Variants in SH3BP4 observed in about 807,000 individuals in gnomAD.
SH3BP4 encodes SH3 domain binding protein 4.
Under a neutral mutation model 65.5 loss-of-function variants are expected in SH3BP4, and 33 were observed. That is an observed-to-expected ratio of 0.50 (90% CI 0.38 to 0.67). The LOEUF (loss-of-function observed/expected upper bound fraction) is 0.67, where lower values mean the gene tolerates loss of function less well. Ranked by LOEUF, SH3BP4 falls within the 30% of genes least tolerant of loss-of-function variation. The probability of loss-of-function intolerance (pLI) is 0.00; values close to 1 mark genes in which losing one functional copy is unlikely to be tolerated. For synonymous variants in SH3BP4, 552 were observed against 545.5 expected (o/e 1.01, Z -0.17); for missense variants, 1,134 against 1,261.4 (o/e 0.90, Z 1.53).
At chr2:235,004,706 T>C (rs938740136) in intron 2 of SH3BP4, among the ~76,000 whole-genome samples, 1 of 152,240 alleles carries the variant, frequency 6.6e-6, no homozygotes, top group Non-Finnish European at 1.5e-5. Context: ...TGTGTCAAAA[T>C]CCCATTCCTT....
chr2:235,045,740 G>A lies in SH3BP4; in HGVS notation c.2478+2493G>A, dbSNP rs918789494. Among the ~76,000 whole-genome samples the A allele has an allele frequency of 2.0e-5, 3 of 152,066 alleles. No homozygotes were observed. Among genetic ancestry groups the A allele is most frequent in the East Asian group, 3.9e-4 (2 of 5,178 alleles). On this transcript the variant is annotated intron_variant, in intron 4 of 5. Coordinates refer to ENST00000392011, the MANE Select transcript of SH3BP4 (RefSeq NM_014521.3). This position sits in a 1 kb window ranked among gnomAD's most constrained non-coding sequence, Gnocchi z 4.3. The stretch of plus-strand genomic sequence containing the variant: ...TGTTCTATTCCGCTTGTCATCACAG[G>A]GCTGCCACGATTTCTGCGGCCTCTG...
chr2:234,957,115 G>A (rs545734430), intron 1 of SH3BP4, among the ~76,000 whole-genome samples: 28 of 152,192 alleles, frequency 1.8e-4, no homozygotes, highest in African/African-American at 6.7e-4. Flanking sequence ...CCACCTCCCA[G>A]ATTCAAGCTG....
intron 4 of SH3BP4, among the ~76,000 whole-genome samples, chr2:235,047,557 A>G (rs1044265109): frequency 1.3e-5 from 2 of 152,228 alleles, no homozygotes; most frequent in Non-Finnish European, 2.9e-5. Flanking sequence ...GCAAGAGACT[A>G]TTCCCAATTC....
intron 4 of SH3BP4, among the ~76,000 whole-genome samples, chr2:235,043,856 T>C (rs993495189): frequency 5.9e-5 from 9 of 152,288 alleles, no homozygotes; most frequent in African/African-American, 1.9e-4. Flanking sequence ...GAAGTGGAGA[T>C]GGGGTTTACG....
Position 235,052,197 on chromosome 2 carries a change from CCT to C in SH3BP4, c.2479-360_2479-359del, listed in dbSNP as rs56943936. ...TCTTCACACGGCCTTCTTCTCTCTGCCTCTCTGTCTGCTTTCTCTTCTTATGA... is the reference window on the plus strand; with the variant it reads ...TCTTCACACGGCCTTCTTCTCTCTGCCTCTGTCTGCTTTCTCTTCTTATGA... On this transcript the variant is annotated intron_variant, in intron 4 of 5. Transcript: ENST00000392011. The surrounding 1 kb of genome is among the most constrained non-coding windows in gnomAD (Gnocchi z 5.0). 0.49 allele frequency among the ~76,000 whole-genome samples: 73,652 copies of C among 151,760 alleles called. 18,175 individuals carry two copies. Among genetic ancestry groups the C allele is most frequent in the East Asian group, 0.64 (3,241 of 5,092 alleles).
At position 235,052,641 on chromosome 2, in the gene SH3BP4, T is replaced by A. The variant is rs1696095811; in HGVS notation, c.2558T>A (p.Val853Glu). The change falls in exon 5 of 6, where the codon GTG becomes GAG. Residue 853 changes from valine to glutamate, a missense_variant. By Grantham distance (121) the Val-to-Glu change is moderately radical (BLOSUM62 -2). Coordinates refer to ENST00000392011, the MANE Select transcript of SH3BP4 (RefSeq NM_014521.3). The surrounding 1 kb of genome is among the most constrained non-coding windows in gnomAD (Gnocchi z 5.0). Reference sequence around the variant, plus strand: ...GTGCTCCTGACCACGGCTGTAGAGGTGGCCCAGCGCTGGCGGGAGCTGGCT... The same window carrying A: ...GTGCTCCTGACCACGGCTGTAGAGGAGGCCCAGCGCTGGCGGGAGCTGGCT... ...DFVLLTTAVEVAQRWRELAEK... is the reference protein window; with the variant it reads ...DFVLLTTAVEEAQRWRELAEK... The A allele has an allele frequency of 6.3e-7, 1 of 1,580,068 alleles. No homozygotes were observed. Among genetic ancestry groups the A allele is most frequent in the Non-Finnish European group, 8.6e-7 (1 of 1,163,946 alleles).
chr2:235,032,030 G>A (rs904158380), intron 2 of SH3BP4, among the ~76,000 whole-genome samples: 3 of 152,238 alleles, frequency 2.0e-5, no homozygotes, highest in Non-Finnish European at 4.4e-5. Flanking sequence ...GTCATGAGGC[G>A]GCGCGGTGGC....
chr2:235,041,907 G>A lies in SH3BP4; in HGVS notation c.1138G>A (p.Val380Ile). 6.2e-7 allele frequency: 1 copy of A among 1,613,564 alleles called. No homozygotes were observed. The highest frequency in any genetic ancestry group is 1.1e-5 in the South Asian group (1 of 91,050). Residue 380 changes from valine to isoleucine, a missense_variant, in exon 4 of 6, where the codon GTC becomes ATC. Coordinates refer to ENST00000392011, the MANE Select transcript of SH3BP4 (RefSeq NM_014521.3). This position sits in a 1 kb window ranked among gnomAD's most constrained non-coding sequence, Gnocchi z 6.0. Reference sequence around the variant, plus strand: ...CTGCAGCATCAGCCCTGTGCTGGAGGTCAAGCTGAGCAACCTGGAGGTGAA... The same window carrying A: ...CTGCAGCATCAGCCCTGTGCTGGAGATCAAGCTGAGCAACCTGGAGGTGAA... ...RSCSISPVLE[V>I]KLSNLEVKTS...
At position 235,018,052 on chromosome 2, in the gene SH3BP4, G is replaced by C. The variant is rs552678983; in HGVS notation, c.-132-16819G>C. Among the ~76,000 whole-genome samples the C allele has an allele frequency of 5.1e-4, 77 of 152,232 alleles. No homozygotes were observed. In the South Asian group the frequency reaches 0.01, roughly 21 times the overall value. ...CAGATCTCCATGGCCCAGGGTGAGC[G>C]GGGGCAGACGAGAGCTTACAGGGTC... On this transcript the variant is annotated intron_variant, in intron 2 of 5. Coordinates refer to ENST00000392011, the MANE Select transcript of SH3BP4 (RefSeq NM_014521.3).
intron 2 of SH3BP4, among the ~76,000 whole-genome samples, chr2:235,006,954 A>C (rs1214473153): frequency 6.6e-6 from 1 of 152,046 alleles, no homozygotes; most frequent in Non-Finnish European, 1.5e-5. Flanking sequence ...TCATTCCCCA[A>C]ATCCATTCCA....
intron 1 of SH3BP4, among the ~76,000 whole-genome samples, chr2:234,992,462 C>T (rs1332676566): frequency 4.6e-5 from 7 of 152,198 alleles, no homozygotes; most frequent in South Asian, 4.1e-4. Flanking sequence ...GAGATGGATG[C>T]GTTCCTGCCA....
intron 2 of SH3BP4, among the ~76,000 whole-genome samples, chr2:235,000,620 T>TC (rs1160693700): frequency 6.6e-6 from 1 of 152,188 alleles, no homozygotes; most frequent in Non-Finnish European, 1.5e-5. Flanking sequence ...GATGTTCATG[T>TC]CCCCATTGCG....
chr2:234,985,810 C>A (rs111737200), intron 1 of SH3BP4, among the ~76,000 whole-genome samples: 1 of 151,384 alleles, frequency 6.6e-6, no homozygotes, highest in South Asian at 2.1e-4. Flanking sequence ...CTGTGACACA[C>A]GCCTACGAGC....
chr2:235,039,629 T>A (rs1695573695), intron 3 of SH3BP4, among the ~76,000 whole-genome samples: 1 of 152,204 alleles, frequency 6.6e-6, no homozygotes, highest in African/African-American at 2.4e-5. Context: ...GTATATGTGC[T>A]TATTTTCTTC....
intron 1 of SH3BP4, among the ~76,000 whole-genome samples, chr2:234,961,512 T>C (rs1384543478): frequency 6.6e-6 from 1 of 152,170 alleles, no homozygotes; most frequent in Non-Finnish European, 1.5e-5. Context: ...CCTCAGGTGA[T>C]CCACCTGCCT....
intron 2 of SH3BP4, among the ~76,000 whole-genome samples, chr2:235,013,388 A>G (rs1222097152): frequency 6.6e-6 from 1 of 152,134 alleles, no homozygotes; most frequent in Non-Finnish European, 1.5e-5. Context: ...TGTGCTTCCC[A>G]GCACTCCTGC....
At chr2:235,005,873 A>G (rs992793597) in intron 2 of SH3BP4, among the ~76,000 whole-genome samples, 1 of 151,916 alleles carries the variant, frequency 6.6e-6, no homozygotes, top group Non-Finnish European at 1.5e-5. Context: ...GGTCCCAGGC[A>G]GGCTGGCTTG....
rs1413789643 is a variant in SH3BP4, at chr2:235,034,145, C to T, written c.-132-726C>T. 2.6e-5 allele frequency among the ~76,000 whole-genome samples: 4 copies of T among 152,118 alleles called. No individual in the cohort carries two copies. The highest frequency in any genetic ancestry group is 5.9e-5 in the Non-Finnish European group (4 of 68,028). ...CCAGAACCCCCCACATGCTTCAGTC[C>T]TGTCTGTGCGCCCTTCCAGAAAAAA... On this transcript the variant is annotated intron_variant, in intron 2 of 5. Coordinates refer to ENST00000392011, the MANE Select transcript of SH3BP4 (RefSeq NM_014521.3). The surrounding 1 kb of genome is among the most constrained non-coding windows in gnomAD (Gnocchi z 6.2).
At position 235,010,408 on chromosome 2, in the gene SH3BP4, T is replaced by C. The variant is rs960362095; in HGVS notation, c.-133+15032T>C. Among the ~76,000 whole-genome samples the C allele has an allele frequency of 9.2e-5, 14 of 152,316 alleles. No homozygotes were observed. The East Asian group carries it at 1.4e-3, about 15-fold the overall frequency. Reference sequence around the variant, plus strand: ...CTACTCGGTCCAGCTGTTTGGTGGCTGGAAAACCTTGGACAAGAGGCTTGG... The same window carrying C: ...CTACTCGGTCCAGCTGTTTGGTGGCCGGAAAACCTTGGACAAGAGGCTTGG... On this transcript the variant is annotated intron_variant, in intron 2 of 5. Coordinates refer to ENST00000392011, the MANE Select transcript of SH3BP4 (RefSeq NM_014521.3).
Sources: gnomAD v4.1 joint callset for allele counts (sites outside exome capture counted in the v4.1 genomes callset) on GRCh38, gnomAD v4.1.1 for gene constraint, Gnocchi (gnomAD v3.1) non-coding constraint, MANE v1.5 for transcripts, NCBI Gene and HGNC (gene_info 2026-07-23, HGNC 2026-07-21) for gene names.